Variants in HYCC2 observed in about 807,000 individuals in gnomAD.
HYCC2 encodes the protein hyccin 2.
At chr2:201,011,329 C>A in the HYCC2 span, 1 of 957,638 alleles carries the variant, frequency 1.0e-6, no homozygotes, top group South Asian at 1.8e-5. Context: ...TGATAAGAAA[C>A]TGACTTTTTG....
At chr2:200,993,663 AC>A in the HYCC2 span, among the ~76,000 whole-genome samples, 1 of 152,010 alleles carries the variant, frequency 6.6e-6, no homozygotes, top group East Asian at 1.9e-4. Context: ...GCAGAGACAT[AC>A]AATAAAAGAC....
chr2:201,039,771 GACT>G, the HYCC2 span, among the ~76,000 whole-genome samples: 54 of 152,250 alleles, frequency 3.5e-4, no homozygotes, highest in South Asian at 6.0e-3. Flanking sequence ...AAGTATAGAT[GACT>G]ACTACTACTT....
chr2:200,975,541 T>A, the HYCC2 span: 435 of 152,202 alleles, frequency 2.9e-3, 3 homozygotes, highest in African/African-American at 9.9e-3. Context: ...TCCATTTTTT[T>A]ATCAAATCAA....
chr2:201,064,195 T>C, the HYCC2 span: 1 of 696,832 alleles, frequency 1.4e-6, no homozygotes, highest in Non-Finnish European at 2.5e-6. Flanking sequence ...CAAATACTCA[T>C]GTGTATGGGC....
At chr2:200,991,452 C>T in the HYCC2 span, among the ~76,000 whole-genome samples, 1 of 152,082 alleles carries the variant, frequency 6.6e-6, no homozygotes, top group Non-Finnish European at 1.5e-5. Context: ...GCCTATAGTC[C>T]CAGCTACTCA....
chr2:201,060,087 A>G, the HYCC2 span, among the ~76,000 whole-genome samples: 2 of 150,596 alleles, frequency 1.3e-5, no homozygotes, highest in Admixed American at 6.6e-5. Context: ...CTAAACCACA[A>G]CTTTTCTGGG....
chr2:200,981,954 T>G, the HYCC2 span: 1 of 1,462,196 alleles, frequency 6.8e-7, no homozygotes, highest in Non-Finnish European at 9.2e-7. This position sits in a 1 kb window ranked among gnomAD's most constrained non-coding sequence, Gnocchi z 4.5. Context: ...CCTTATCTCT[T>G]GGGCAATGTT....
At chr2:200,985,380 G>C in the HYCC2 span, among the ~76,000 whole-genome samples, 1 of 152,008 alleles carries the variant, frequency 6.6e-6, no homozygotes, top group Non-Finnish European at 1.5e-5. Context: ...CTACAAATAG[G>C]CCAGGGGCGG....
the HYCC2 span, among the ~76,000 whole-genome samples, chr2:201,035,685 T>C: frequency 1.9e-4 from 29 of 152,300 alleles, no homozygotes; most frequent in Admixed American, 1.6e-3. Flanking sequence ...GCTCTGATTT[T>C]TAGAATTTTC....
the HYCC2 span, among the ~76,000 whole-genome samples, chr2:201,013,580 G>A: frequency 2.6e-5 from 4 of 151,806 alleles, no homozygotes; most frequent in African/African-American, 7.2e-5. Flanking sequence ...AGTTTATTAT[G>A]TCAGAGAAGA....
chr2:201,069,559 C>T, the HYCC2 span, among the ~76,000 whole-genome samples: 1 of 127,588 alleles, frequency 7.8e-6, no homozygotes. Context: ...CACACACACA[C>T]ACACACACAC....
the HYCC2 span, chr2:200,996,588 GCAC>G: frequency 6.6e-6 from 1 of 152,196 alleles, no homozygotes; most frequent in Non-Finnish European, 1.5e-5. Context: ...TGGCACCACT[GCAC>G]TCCAGTCTGG....
the HYCC2 span, among the ~76,000 whole-genome samples, chr2:200,994,828 C>T: frequency 2.6e-5 from 4 of 151,826 alleles, no homozygotes; most frequent in African/African-American, 9.7e-5. Context: ...CGGTGAGACC[C>T]CATCTCTATA....
chr2:201,028,109 C>A, the HYCC2 span, among the ~76,000 whole-genome samples: 1 of 152,194 alleles, frequency 6.6e-6, no homozygotes, highest in South Asian at 2.1e-4. Context: ...TAAGCAACTT[C>A]AGCAAAGTCT....
the HYCC2 span, among the ~76,000 whole-genome samples, chr2:201,060,763 T>C: frequency 3.9e-5 from 6 of 152,334 alleles, no homozygotes; most frequent in East Asian, 1.2e-3. Context: ...CAAATTTGTA[T>C]TCTAAAACAC....
the HYCC2 span, among the ~76,000 whole-genome samples, chr2:201,043,582 C>T: frequency 1.3e-5 from 2 of 150,130 alleles, no homozygotes; most frequent in East Asian, 3.9e-4. Flanking sequence ...GATCTCAGCT[C>T]ACTGCAAGCT....
chr2:201,033,159 A>ATGTGTG, the HYCC2 span, among the ~76,000 whole-genome samples: 2,025 of 117,872 alleles, frequency 0.017, 39 homozygotes, highest in East Asian at 0.048. Flanking sequence ...ATGTGTGTGT[A>ATGTGTG]TGTGTGTGTG....
At chr2:201,009,288 A>T in the HYCC2 span, 2,928 of 407,878 alleles carry the variant, frequency 7.2e-3, 15 homozygotes, top group Non-Finnish European at 0.01. Context: ...TGCCTGTAAA[A>T]TATAAAACTA....
At chr2:200,991,412 A>G in the HYCC2 span, among the ~76,000 whole-genome samples, 6 of 152,230 alleles carry the variant, frequency 3.9e-5, no homozygotes, top group East Asian at 1.2e-3. Context: ...TACTAAAAAT[A>G]TAAAAAATTA....
Sources: allele counts gnomAD v4.1 joint callset (sites outside exome capture counted in the v4.1 genomes callset), GRCh38; gene constraint gnomAD v4.1.1; non-coding constraint Gnocchi (gnomAD v3.1); transcripts MANE v1.5; gene names NCBI Gene and HGNC (gene_info 2026-07-23, HGNC 2026-07-21).